MYO1F: variants seen among roughly 807,000 people sequenced by gnomAD.
The protein encoded by MYO1F is myosin IF.
A neutral mutation model predicts 146.6 loss-of-function variants in MYO1F; 60 were observed. The observed-to-expected ratio is 0.41, with a 90% CI of 0.33 to 0.51. The LOEUF is 0.51. Ranked by LOEUF, MYO1F falls within the 20% of genes least tolerant of loss-of-function variation. The pLI is 0.25. For missense variants in MYO1F, 1,274 were observed against 1,534.3 expected, an observed-to-expected ratio of 0.83 and a Z score of 2.83; for synonymous variants, 602 against 602.1, an observed-to-expected ratio of 1.00 and a Z score of 0.00.
At chr19:8,535,647 ATCTC>A (rs1972673091) in intron 19 of MYO1F, among the ~76,000 whole-genome samples, 1 of 149,146 alleles carries the variant, frequency 6.7e-6, no homozygotes, top group African/African-American at 2.5e-5. Flanking sequence ...GTCTCTCTCA[ATCTC>A]TCTCTCTCAA....
chr19:8,559,667 C>G (rs113402443), intron 1 of MYO1F, among the ~76,000 whole-genome samples: 187 of 151,970 alleles, frequency 1.2e-3, no homozygotes, highest in Non-Finnish European at 2.3e-3. Context: ...AGAATTAACA[C>G]GACCGGGCGC....
At chr19:8,575,767 C>T (rs530852708) in intron 1 of MYO1F, among the ~76,000 whole-genome samples, 104 of 152,268 alleles carry the variant, frequency 6.8e-4, no homozygotes, top group Middle Eastern at 3.4e-3. Flanking sequence ...CCCTCCCAGA[C>T]CTTGTCTGCC....
At chr19:8,551,711 C>CG (rs1387877139) in intron 8 of MYO1F, 29 bp downstream of exon 8, 2 of 1,613,856 alleles carry the variant, frequency 1.2e-6, no homozygotes, top group African/African-American at 2.7e-5. Flanking sequence ...TCTGCCTGGC[C>CG]GGGGACTGGA....
intron 13 of MYO1F, among the ~76,000 whole-genome samples, chr19:8,544,762 G>A (rs561181492): frequency 1.3e-5 from 2 of 151,916 alleles, no homozygotes; most frequent in East Asian, 3.9e-4. Context: ...CTTGGTAGGG[G>A]GACCTGCCTT....
intron 9 of MYO1F, 45 bp from the exon 10 acceptor site, chr19:8,550,401 C>A (rs751499000): frequency 2.5e-6 from 4 of 1,590,202 alleles, no homozygotes; most frequent in East Asian, 2.3e-5. Context: ...GTTGGTTGGG[C>A]TCTTGTGCCT....
At chr19:8,574,667 C>G (rs2042198528) in intron 1 of MYO1F, among the ~76,000 whole-genome samples, 2 of 134,824 alleles carry the variant, frequency 1.5e-5, no homozygotes, top group African/African-American at 5.3e-5. Context: ...TTTCTTCTTT[C>G]TCTCTTTCTT....
At chr19:8,567,108 C>T (rs925081344) in intron 1 of MYO1F, among the ~76,000 whole-genome samples, 1 of 146,458 alleles carries the variant, frequency 6.8e-6, no homozygotes, top group African/African-American at 2.6e-5. Flanking sequence ...GTCGCCCAGG[C>T]TGGAATGCAG....
At chr19:8,567,079 T>TG (rs1198615590) in intron 1 of MYO1F, among the ~76,000 whole-genome samples, 1 of 149,818 alleles carries the variant, frequency 6.7e-6, no homozygotes, top group African/African-American at 2.5e-5. Flanking sequence ...TTTTTTTTTT[T>TG]GAGATTGAGT....
At chr19:8,524,493 G>A (rs1052213526) in intron 25 of MYO1F, among the ~76,000 whole-genome samples, 39 of 151,700 alleles carry the variant, frequency 2.6e-4, no homozygotes, top group Non-Finnish European at 2.9e-4. Context: ...GCTGAGGCAG[G>A]AGAATCGCTT....
intron 21 of MYO1F, among the ~76,000 whole-genome samples, chr19:8,528,540 C>A (rs1489640612): frequency 2.0e-5 from 3 of 152,020 alleles, no homozygotes; most frequent in Non-Finnish European, 4.4e-5. Flanking sequence ...CACACACACA[C>A]AAAAGAGCAA....
chr19:8,531,523 G>T (rs1048402484), intron 19 of MYO1F, among the ~76,000 whole-genome samples: 8 of 151,980 alleles, frequency 5.3e-5, no homozygotes, highest in Admixed American at 2.0e-4. Flanking sequence ...TAATTTTGTG[G>T]TGATGTGGTC....
intron 1 of MYO1F, among the ~76,000 whole-genome samples, chr19:8,557,126 A>G (rs1045089737): frequency 2.0e-5 from 3 of 152,018 alleles, no homozygotes; most frequent in Non-Finnish European, 4.4e-5. Flanking sequence ...ATCTCTACAA[A>G]AAATAGAAAA....
intron 1 of MYO1F, among the ~76,000 whole-genome samples, chr19:8,564,777 T>TG (rs2041971433): frequency 6.6e-6 from 1 of 151,320 alleles, no homozygotes; most frequent in Non-Finnish European, 1.5e-5. Context: ...CTGTTTTTTT[T>TG]TTGTTGTTGT....
intron 1 of MYO1F, among the ~76,000 whole-genome samples, chr19:8,568,529 C>T (rs1439416524): frequency 2.0e-5 from 3 of 150,924 alleles, no homozygotes; most frequent in African/African-American, 7.3e-5. Flanking sequence ...AGAATTTTGG[C>T]ATGTGATGGA....
rs1394025287 is a variant in MYO1F at position 8,530,593 on chromosome 19, G to T, written c.2044-20C>A. ...GAAAAGCTGGGCGGGGGTCGTGGGG[G>T]GCAAGGGTGAGTCCTGGTGTCTCCC... is the stretch of plus-strand genomic sequence containing the variant. On this transcript the variant is annotated intron_variant, in intron 19 of 27. Coordinates refer to ENST00000644032, the MANE Select transcript of MYO1F (RefSeq NM_012335.4). This position sits in a 1 kb window ranked among gnomAD's most constrained non-coding sequence, Gnocchi z 5.8. 2 of 1,588,276 alleles carry T rather than the reference G, an allele frequency of 1.3e-6. No individual in the cohort carries two copies. The highest frequency in any genetic ancestry group is 2.2e-5 in the South Asian group (2 of 90,710).
At chr19:8,529,788 G>A in intron 21 of MYO1F, 1 of 356,214 alleles carries the variant, frequency 2.8e-6, no homozygotes, top group African/African-American at 2.1e-5. Context: ...AGCTGTGTCT[G>A]CTATACTTGA....
At position 8,554,643 on chromosome 19, in the gene MYO1F, C is replaced by T; in HGVS notation, c.231+11G>A. The stretch of plus-strand genomic sequence containing the variant: ...CTGGGGGCTGTGCCTCCCACCCAGC[C>T]CCAGCCTCACCGCGCCCTGATAGAG... On this transcript the variant is annotated intron_variant, in intron 3 of 27. Transcript: ENST00000644032. 6.2e-7 allele frequency: 1 copy of T among 1,613,908 alleles called. No homozygotes were observed. Among genetic ancestry groups the T allele is most frequent in the Non-Finnish European group, 8.5e-7 (1 of 1,179,948 alleles).
intron 21 of MYO1F, among the ~76,000 whole-genome samples, chr19:8,528,697 C>T (rs1030014817): frequency 1.4e-4 from 21 of 152,242 alleles, no homozygotes; most frequent in African/African-American, 3.4e-4. Flanking sequence ...CATGGGTTCC[C>T]GGGCCAGATG....
chr19:8,522,584 C>G (rs1324560384), intron 26 of MYO1F, 38 bp from the exon 27 acceptor site: 2 of 1,607,150 alleles, frequency 1.2e-6, no homozygotes, highest in South Asian at 2.2e-5. Flanking sequence ...GCCCCAGACA[C>G]TCCCCTACCC....
Sources: allele counts gnomAD v4.1 joint callset (sites outside exome capture counted in the v4.1 genomes callset), GRCh38; gene constraint gnomAD v4.1.1; non-coding constraint Gnocchi (gnomAD v3.1); transcripts MANE v1.5; gene names NCBI Gene and HGNC (gene_info 2026-07-23, HGNC 2026-07-21).